SEC23A: variants seen among roughly 807,000 people sequenced by gnomAD.
SEC23A encodes SEC23 homolog A, COPII component.
SEC23A carries 56 observed loss-of-function variants against 103.7 expected under a neutral mutation model. That is an observed-to-expected ratio of 0.54 (90% CI 0.44 to 0.67). The LOEUF (loss-of-function observed/expected upper bound fraction) is 0.67. SEC23A is among the 30% of genes least tolerant of loss of function. The pLI is 0.00. For synonymous variants in SEC23A, 281 were observed against 293.0 expected (o/e 0.96, Z 0.42); for missense variants, 784 against 936.4 (o/e 0.84, Z 2.12).
intron 9 of SEC23A, among the ~76,000 whole-genome samples, chr14:39,072,601 G>T (rs1225305213): frequency 1.3e-5 from 2 of 151,964 alleles, no homozygotes; most frequent in African/African-American, 4.8e-5. Context: ...TCGAGCCCAG[G>T]AGTTCGAGAC....
In SEC23A at chr14:39,071,110, C is replaced by T. The variant is rs189734602; in HGVS notation, c.1103+3305G>A. ...GATATTCACTCTCACATTTTTAATCCTGTACTGGACATTCCAGCCAGGGCA... is the reference window on the plus strand; with the variant it reads ...GATATTCACTCTCACATTTTTAATCTTGTACTGGACATTCCAGCCAGGGCA... On this transcript the variant is annotated intron_variant, in intron 9 of 19. Coordinates refer to ENST00000307712, the MANE Select transcript of SEC23A (RefSeq NM_006364.4). 2.6e-5 allele frequency among the ~76,000 whole-genome samples: 4 copies of T among 152,244 alleles called. No homozygotes were observed. The East Asian group carries it at 7.7e-4, about 29-fold the overall frequency.
intron 14 of SEC23A, among the ~76,000 whole-genome samples, chr14:39,051,982 TG>T (rs1886078716): frequency 7.4e-6 from 1 of 135,924 alleles, no homozygotes; most frequent in African/African-American, 2.7e-5. Context: ...AAAAAAAAAA[TG>T]GAACCAGATC....
At chr14:39,094,385 CACACACACACACATATATATATAT>C (rs1887785284) in intron 2 of SEC23A, among the ~76,000 whole-genome samples, 1 of 55,448 alleles carries the variant, frequency 1.8e-5, no homozygotes, top group Admixed American at 2.6e-4. Context: ...CACACACACA[CACACACACACACATATATATATAT>C]ATATATATAT....
At chr14:39,085,939 T>C (rs1310549771) in intron 6 of SEC23A, 33 bp from the exon 7 acceptor site, 2 of 1,580,804 alleles carry the variant, frequency 1.3e-6, no homozygotes. Context: ...AAGCCATTTG[T>C]AAATGTTTAT....
intron 14 of SEC23A, among the ~76,000 whole-genome samples, chr14:39,053,293 GT>G (rs773556704): frequency 3.9e-5 from 6 of 152,182 alleles, no homozygotes; most frequent in Non-Finnish European, 5.9e-5. Context: ...GAGTTAACAG[GT>G]TTCAATGATG....
intron 15 of SEC23A, chr14:39,047,419 G>T: frequency 7.8e-7 from 1 of 1,288,384 alleles, no homozygotes; most frequent in Non-Finnish European, 1.0e-6. Flanking sequence ...CTCACCAGAG[G>T]TTTTAGGGAA....
chr14:39,063,539 T>G, intron 11 of SEC23A, 126 bp from the exon 12 acceptor site: 1 of 611,852 alleles, frequency 1.6e-6, no homozygotes, highest in East Asian at 2.8e-5. Context: ...TCAACAATGT[T>G]AAGAGCTTAA....
At chr14:39,067,151 C>G (rs45446002) in intron 10 of SEC23A, 22 bp downstream of exon 10, 2 of 1,613,380 alleles carry the variant, frequency 1.2e-6, no homozygotes, top group African/African-American at 2.7e-5. Flanking sequence ...ACATATCGCA[C>G]ATGTCAAGTT....
At chr14:39,079,265 C>A (rs553692446) in intron 7 of SEC23A, among the ~76,000 whole-genome samples, 2 of 152,042 alleles carry the variant, frequency 1.3e-5, no homozygotes, top group South Asian at 4.2e-4. Flanking sequence ...AAAAGAGCAA[C>A]TGCGTATGAT....
At chr14:39,073,125 G>C (rs913805832) in intron 9 of SEC23A, among the ~76,000 whole-genome samples, 3 of 152,100 alleles carry the variant, frequency 2.0e-5, no homozygotes, top group African/African-American at 7.2e-5. Context: ...ACAAAATGTG[G>C]TGTATCCATC....
intron 9 of SEC23A, among the ~76,000 whole-genome samples, chr14:39,070,076 AC>A (rs1886795121): frequency 6.6e-6 from 1 of 152,236 alleles, no homozygotes; most frequent in South Asian, 2.1e-4. Flanking sequence ...CCTCAGTCAT[AC>A]TTGCCACATT....
chr14:39,061,502 T>TGG (rs774562221), intron 13 of SEC23A, among the ~76,000 whole-genome samples: 17 of 152,256 alleles, frequency 1.1e-4, no homozygotes, highest in Admixed American at 3.3e-4. Context: ...AAATATCTGA[T>TGG]TTTTCTCCTC....
At chr14:39,079,881 C>A (rs116530279) in intron 7 of SEC23A, among the ~76,000 whole-genome samples, 2,398 of 151,954 alleles carry the variant, frequency 0.016, 47 homozygotes, top group African/African-American at 0.046. Flanking sequence ...ATCTAGAGAA[C>A]AAGGAAAGTT....
intron 10 of SEC23A, among the ~76,000 whole-genome samples, 198 bp from the exon 11 acceptor site, chr14:39,065,191 T>C (rs1886616448): frequency 6.6e-6 from 1 of 152,182 alleles, no homozygotes; most frequent in African/African-American, 2.4e-5. Flanking sequence ...AACCTAATGT[T>C]AACCTTCTAT....
In SEC23A at chr14:39,103,092, C is replaced by T. The variant is rs905524273; in HGVS notation, c.-82G>A. 28 of 152,354 alleles carry T rather than the reference C, an allele frequency of 1.8e-4. No individual in the cohort carries two copies. The highest frequency in any genetic ancestry group is 6.3e-4 in the African/African-American group (26 of 41,532). 9.4% of individuals were successfully genotyped at this position (152,354 alleles called of 1,614,324 possible). ...TTCCTCACTGTCCCCCTGCAGGACC[C>T]GTCGCAGCCTCCGCTTTGCAAAATC... On this transcript the variant is annotated 5_prime_UTR_variant, in exon 1 of 20. Transcript: ENST00000307712.
intron 9 of SEC23A, among the ~76,000 whole-genome samples, chr14:39,072,929 TAGAC>T (rs1050575775): frequency 6.0e-4 from 91 of 152,312 alleles, no homozygotes; most frequent in African/African-American, 2.0e-3. Flanking sequence ...GGAAAATCGT[TAGAC>T]AGTTCCTCAA....
intron 12 of SEC23A, 51 bp from the exon 13 acceptor site, chr14:39,061,922 T>A (rs756363426): frequency 1.8e-6 from 2 of 1,117,900 alleles, no homozygotes; most frequent in East Asian, 4.7e-5. Context: ...TATGCTGTTG[T>A]CATATAATCA....
At chr14:39,066,854 C>T (rs574458462) in intron 10 of SEC23A, among the ~76,000 whole-genome samples, 1 of 152,082 alleles carries the variant, frequency 6.6e-6, no homozygotes, top group South Asian at 2.1e-4. Flanking sequence ...CAGAGGAAGA[C>T]TCTGTCTCAA....
chr14:39,046,314 C>T (rs1160381790), intron 15 of SEC23A, among the ~76,000 whole-genome samples: 2 of 151,954 alleles, frequency 1.3e-5, no homozygotes, highest in African/African-American at 2.4e-5. Flanking sequence ...ACTAAAAATA[C>T]AAAAAATGAT....
Sources: allele counts gnomAD v4.1 joint callset (sites outside exome capture counted in the v4.1 genomes callset), GRCh38; gene constraint gnomAD v4.1.1; transcripts MANE v1.5; gene names NCBI Gene and HGNC (gene_info 2026-07-23, HGNC 2026-07-21).